Variants in NHLRC2 observed in about 807,000 individuals in gnomAD.
NHLRC2 encodes the protein NHL repeat containing 2.
Under a neutral mutation model 68.1 loss-of-function variants are expected in NHLRC2, and 33 were observed. That is an observed-to-expected ratio of 0.48 (90% CI 0.37 to 0.65). The LOEUF (loss-of-function observed/expected upper bound fraction) is 0.65. Ranked by LOEUF, NHLRC2 falls within the 30% of genes least tolerant of loss-of-function variation. The pLI, the probability that NHLRC2 is intolerant of heterozygous loss-of-function variation, is 0.00. For synonymous variants in NHLRC2, 311 were observed against 309.6 expected, an observed-to-expected ratio of 1.00 and a Z score of -0.05; for missense variants, 761 against 853.8, an observed-to-expected ratio of 0.89 and a Z score of 1.35.
rs116435414 is a variant in NHLRC2 at position 113,864,296 on chromosome 10, C to T, written c.331+5616C>T. 3.6e-3 allele frequency among the ~76,000 whole-genome samples: 555 copies of T among 152,122 alleles called. 4 individuals are homozygous for T. Among genetic ancestry groups the T allele is most frequent in the African/African-American group, 0.012 (499 of 41,476 alleles). ...CAGTTTTGCGAGATGAAATGAGTTC[C>T]GGAGATGGAGGATGGCAATGGTCGC... On this transcript the variant is annotated intron_variant, in intron 2 of 10. Coordinates refer to ENST00000369301, the MANE Select transcript of NHLRC2 (RefSeq NM_198514.4).
rs1846246448 is a variant in NHLRC2 at position 113,903,536 on chromosome 10, G to A, written c.1504G>A (p.Val502Met). Residue 502 changes from valine to methionine, a missense_variant, in exon 9 of 11, where the codon GTG becomes ATG. Transcript: ENST00000369301. ...ADSYNHKIKV[V>M]DPKTKNCTTL... ...GTTCTTTCTTTTTTAGATTAAAGTT[G>A]TGGATCCAAAAACAAAAAACTGTAC... The A allele has an allele frequency of 6.3e-7, 1 of 1,594,994 alleles. No individual in the cohort carries two copies. Among genetic ancestry groups the A allele is most frequent in the Non-Finnish European group, 8.6e-7 (1 of 1,168,516 alleles).
chr10:113,861,358 G>A (rs556888778), intron 2 of NHLRC2, among the ~76,000 whole-genome samples: 4 of 152,264 alleles, frequency 2.6e-5, no homozygotes, highest in East Asian at 3.9e-4. Flanking sequence ...AGAGAATCAT[G>A]CCAAGACACA....
At position 113,854,938 on chromosome 10, in the gene NHLRC2, G is replaced by A. The variant is rs1302547351; in HGVS notation, c.66G>A (p.Glu22=). ...TGCTCCCCGCGCAGACCTCGCTAGA[G>A]TACGCCCTGCTCGACGCCGTTACCC... ...SGLLPAQTSL[E]YALLDAVTQQ... Residue 22 remains glutamate, a synonymous_variant, in exon 1 of 11, where the codon GAG becomes GAA. Transcript: ENST00000369301. 1.3e-6 allele frequency: 2 copies of A among 1,554,976 alleles called. No individual in the cohort carries two copies. Among genetic ancestry groups the A allele is most frequent in the Non-Finnish European group, 1.7e-6 (2 of 1,148,862 alleles).
rs138404868 is a variant in NHLRC2 at position 113,883,869 on chromosome 10, T to A, written c.910-382T>A. Among the ~76,000 whole-genome samples, 831 of 152,082 alleles carry A rather than the reference T, an allele frequency of 5.5e-3. 8 individuals are homozygous for A. The highest frequency in any genetic ancestry group is 0.018 in the African/African-American group (751 of 41,548). On this transcript the variant is annotated intron_variant, in intron 4 of 10. Coordinates refer to ENST00000369301, the MANE Select transcript of NHLRC2 (RefSeq NM_198514.4). The stretch of plus-strand genomic sequence containing the variant: ...CTTGGCACATGTAAGTTTTAATGTG[T>A]GTCAATTACTAGCTGAGCACAACTG...
At chr10:113,860,182 C>T (rs1043477949) in intron 2 of NHLRC2, among the ~76,000 whole-genome samples, 4 of 151,956 alleles carry the variant, frequency 2.6e-5, no homozygotes, top group Non-Finnish European at 5.9e-5. Flanking sequence ...TTTTAGTAGA[C>T]GGATGACATT....
chr10:113,874,587 A>T (rs1845961572), intron 2 of NHLRC2, among the ~76,000 whole-genome samples: 1 of 149,340 alleles, frequency 6.7e-6, no homozygotes, highest in African/African-American at 2.5e-5. Flanking sequence ...GAATTCTCTA[A>T]ATTTATATAT....
rs983190718 is a variant in NHLRC2, at chr10:113,905,051, T to C, written c.1924+15T>C. On this transcript the variant is annotated intron_variant, in intron 10 of 10. Coordinates refer to ENST00000369301, the MANE Select transcript of NHLRC2 (RefSeq NM_198514.4). ...AACAGCTGAAGGTATGAGTATAAGC[T>C]TGCAAATACTAATACATCATATATT... 22 of 1,234,398 alleles carry C rather than the reference T, an allele frequency of 1.8e-5. No homozygotes were observed. Among genetic ancestry groups the C allele is most frequent in the Admixed American group, 1.2e-4 (5 of 40,976 alleles). The allele number at this position is 1,234,398 out of a possible 1,614,324, so 76.5% of individuals were successfully genotyped here.
At chr10:113,885,156 A>G (rs1295206132) in intron 5 of NHLRC2, among the ~76,000 whole-genome samples, 1 of 151,892 alleles carries the variant, frequency 6.6e-6, no homozygotes, top group East Asian at 1.9e-4. Flanking sequence ...AAAGCTTTAC[A>G]TTTGAGGTAA....
chr10:113,872,840 A>G (rs1213989841), intron 2 of NHLRC2, among the ~76,000 whole-genome samples: 2 of 152,038 alleles, frequency 1.3e-5, no homozygotes, highest in Non-Finnish European at 2.9e-5. Flanking sequence ...CCAACATAAG[A>G]CTACTTGGAG....
At chr10:113,887,027 A>G (rs572867903) in intron 5 of NHLRC2, among the ~76,000 whole-genome samples, 3 of 152,356 alleles carry the variant, frequency 2.0e-5, no homozygotes, top group African/African-American at 7.2e-5. Context: ...ATATCAAGAA[A>G]ACAACCTAAC....
Position 113,883,367 on chromosome 10 carries a change from C to T in NHLRC2, c.910-884C>T, listed in dbSNP as rs182018574. 1.7e-4 allele frequency among the ~76,000 whole-genome samples: 26 copies of T among 151,972 alleles called. 1 individual carries two copies. The highest frequency in any genetic ancestry group is 1.7e-3 in the Admixed American group (26 of 15,264). On this transcript the variant is annotated intron_variant, in intron 4 of 10. Transcript: ENST00000369301. Reference sequence around the variant, plus strand: ...CATGCTTATAATCTTAAAGGGAATACATGTACATTTTCTCCAGAAGTTTAA... The same window carrying T: ...CATGCTTATAATCTTAAAGGGAATATATGTACATTTTCTCCAGAAGTTTAA...
intron 2 of NHLRC2, among the ~76,000 whole-genome samples, chr10:113,866,908 A>G (rs1251157297): frequency 6.6e-6 from 1 of 152,058 alleles, no homozygotes; most frequent in Non-Finnish European, 1.5e-5. Context: ...GACCAGGTAC[A>G]AGATTCTAGA....
rs1846232725 is a variant in NHLRC2, at chr10:113,901,909, C to T, written c.1371+12C>T. The T allele has an allele frequency of 1.3e-6, 2 of 1,548,520 alleles. No individual in the cohort carries two copies. The highest frequency in any genetic ancestry group is 2.7e-5 in the African/African-American group (2 of 73,514). On this transcript the variant is annotated intron_variant, in intron 7 of 10. Coordinates refer to ENST00000369301, the MANE Select transcript of NHLRC2 (RefSeq NM_198514.4). ...AAAGAGACCCCATGGTAATGACAGT[C>T]ACTCTTGCACAGTGCGCTCGGACAC...
chr10:113,859,691 A>G (rs1845797694), intron 2 of NHLRC2, among the ~76,000 whole-genome samples: 1 of 152,214 alleles, frequency 6.6e-6, no homozygotes, highest in Non-Finnish European at 1.5e-5. Context: ...TTTAGATGCC[A>G]GTGTTTCTTG....
At chr10:113,858,748 T>A in intron 2 of NHLRC2, 68 bp downstream of exon 2, 1 of 1,121,720 alleles carries the variant, frequency 8.9e-7, no homozygotes, top group Non-Finnish European at 1.3e-6. Flanking sequence ...GGCTGACTCA[T>A]TAGCTCATAG....
intron 6 of NHLRC2, 145 bp from the exon 7 acceptor site, chr10:113,901,521 A>G: frequency 3.2e-6 from 2 of 625,280 alleles, no homozygotes; most frequent in Non-Finnish European, 5.7e-6. Context: ...GCTGACTTGA[A>G]CAATTTAACT....
chr10:113,876,780 T>C lies in NHLRC2; in HGVS notation c.591T>C (p.Tyr197=). The C allele has an allele frequency of 6.2e-7, 1 of 1,611,862 alleles. No homozygotes were observed. The highest frequency in any genetic ancestry group is 8.5e-7 in the Non-Finnish European group (1 of 1,178,106). The change falls in exon 3 of 11, where the codon TAT becomes TAC. Residue 197 remains tyrosine, a synonymous_variant. Transcript: ENST00000369301. ...TATATACTTCAATTGCTTTAAAGTATTACAAAGACAGGGGGCAGATCAGAG... is the reference window on the plus strand; with the variant it reads ...TATATACTTCAATTGCTTTAAAGTACTACAAAGACAGGGGGCAGATCAGAG... ...LFLYTSIALK[Y]YKDRGQIRDN...
At chr10:113,873,459 G>A (rs564184113) in intron 2 of NHLRC2, among the ~76,000 whole-genome samples, 88 of 152,260 alleles carry the variant, frequency 5.8e-4, no homozygotes, top group South Asian at 5.4e-3. Flanking sequence ...TTCATTATAG[G>A]TAGTTGACCT....
intron 9 of NHLRC2, among the ~76,000 whole-genome samples, chr10:113,904,134 T>G (rs1846253456): frequency 6.6e-6 from 1 of 150,702 alleles, no homozygotes; most frequent in African/African-American, 2.4e-5. Flanking sequence ...TAGATTAACA[T>G]GTAACCTTTG....
Sources: allele counts gnomAD v4.1 joint callset (sites outside exome capture counted in the v4.1 genomes callset), GRCh38; gene constraint gnomAD v4.1.1; transcripts MANE v1.5; gene names NCBI Gene and HGNC (gene_info 2026-07-23, HGNC 2026-07-21).